Variants in FSTL5 observed in about 807,000 individuals in gnomAD.
The protein encoded by FSTL5 is follistatin like 5, also known as follistatin-related protein 5.
Under a neutral mutation model 89.1 loss-of-function variants are expected in FSTL5, and 62 were observed. That is an observed-to-expected ratio of 0.70 (90% CI 0.57 to 0.86). FSTL5 has a LOEUF of 0.86. FSTL5 is among the 40% of genes least tolerant of loss of function. The probability of loss-of-function intolerance (pLI) is 0.00; values close to 1 mark genes in which losing one functional copy is unlikely to be tolerated. For missense variants in FSTL5, 1,057 were observed against 1,001.6 expected (o/e 1.06, Z -0.75); for synonymous variants, 383 against 346.2 (o/e 1.11, Z -1.18).
intron 4 of FSTL5, among the ~76,000 whole-genome samples, chr4:161,919,864 C>A (rs187633906): frequency 1.6e-4 from 24 of 152,142 alleles, no homozygotes; most frequent in African/African-American, 5.3e-4. Context: ...AAGTGAATAC[C>A]AGTACTTTAA....
intron 13 of FSTL5, among the ~76,000 whole-genome samples, chr4:161,463,145 C>G (rs112717127): frequency 0.021 from 3,126 of 152,024 alleles, 124 homozygotes; most frequent in African/African-American, 0.071. Context: ...TTAGGATATA[C>G]CTATTTGGAG....
chr4:161,646,664 G>C (rs1487945141), intron 7 of FSTL5, among the ~76,000 whole-genome samples: 1 of 151,950 alleles, frequency 6.6e-6, no homozygotes, highest in Non-Finnish European at 1.5e-5. Flanking sequence ...ATTGAATTCT[G>C]GTTGAATTAA....
At chr4:162,157,640 A>G (rs1473877100) in intron 1 of FSTL5, among the ~76,000 whole-genome samples, 2 of 152,174 alleles carry the variant, frequency 1.3e-5, no homozygotes, top group African/African-American at 4.8e-5. Context: ...ATTATTGTTA[A>G]CCAATATGTA....
At chr4:161,407,370 A>C (rs1182380809) in intron 15 of FSTL5, among the ~76,000 whole-genome samples, 1 of 152,206 alleles carries the variant, frequency 6.6e-6, no homozygotes, top group Non-Finnish European at 1.5e-5. Context: ...AGATCTTTAA[A>C]GAGAGAAAAC....
chr4:161,874,308 T>C (rs1732370142), intron 4 of FSTL5, among the ~76,000 whole-genome samples: 1 of 152,042 alleles, frequency 6.6e-6, no homozygotes, highest in Admixed American at 6.6e-5. Flanking sequence ...AATCTACCTA[T>C]TAATAATAAT....
intron 3 of FSTL5, among the ~76,000 whole-genome samples, chr4:161,994,125 T>A (rs1736219766): frequency 6.6e-6 from 1 of 152,144 alleles, no homozygotes; most frequent in South Asian, 2.1e-4. Flanking sequence ...TAGCTACCAC[T>A]TATAAGTGAG....
chr4:161,860,504 G>A (rs1731876887), intron 4 of FSTL5, among the ~76,000 whole-genome samples: 1 of 152,130 alleles, frequency 6.6e-6, no homozygotes, highest in Non-Finnish European at 1.5e-5. Flanking sequence ...TTCCAGGGTC[G>A]AGAAAATTTC....
rs559425444 is a variant in FSTL5 at position 161,921,714 on chromosome 4, T to C, written c.161-1062A>G. ...AACAGCATCATAATAATTAAGAACATGGATTCTGATCCAGAGTTTAAATCC... is the reference window on the plus strand; with the variant it reads ...AACAGCATCATAATAATTAAGAACACGGATTCTGATCCAGAGTTTAAATCC... On this transcript the variant is annotated intron_variant, in intron 3 of 15. Transcript: ENST00000306100. Among the ~76,000 whole-genome samples the C allele has an allele frequency of 2.8e-4, 42 of 152,178 alleles. No homozygotes were observed. The South Asian group carries it at 8.1e-3, about 29-fold the overall frequency.
chr4:161,940,448 A>C (rs1274131444), intron 3 of FSTL5, among the ~76,000 whole-genome samples: 1 of 151,880 alleles, frequency 6.6e-6, no homozygotes, highest in Non-Finnish European at 1.5e-5. Context: ...TCTGAAGGAC[A>C]CAAAAACATC....
At position 161,948,509 on chromosome 4, in the gene FSTL5, C is replaced by T. The variant is rs359522; in HGVS notation, c.161-27857G>A. 2.0e-3 allele frequency among the ~76,000 whole-genome samples: 191 copies of T among 96,672 alleles called. 2 individuals carry two copies. The highest frequency in any genetic ancestry group is 0.022 in the Middle Eastern group (2 of 90). 63.4% of individuals were successfully genotyped at this position (96,672 alleles called of 152,430 possible). A position where few individuals can be genotyped will look rare whatever the true frequency, so the allele number is the denominator to read the frequency against. On this transcript the variant is annotated intron_variant, in intron 3 of 15. Coordinates refer to ENST00000306100, the MANE Select transcript of FSTL5 (RefSeq NM_020116.5). Reference sequence around the variant, plus strand: ...TCTTTTTTTTTTTTTTTTTTGGAGACAGAGTCTCACTTTGTCACCCAGGCT... The same window carrying T: ...TCTTTTTTTTTTTTTTTTTTGGAGATAGAGTCTCACTTTGTCACCCAGGCT...
At chr4:161,591,878 G>C (rs540788634) in intron 7 of FSTL5, among the ~76,000 whole-genome samples, 1 of 152,200 alleles carries the variant, frequency 6.6e-6, no homozygotes, top group Admixed American at 6.5e-5. Flanking sequence ...TGTCAAGGAA[G>C]CTACTAGTTC....
In FSTL5 at chr4:162,066,355, C is replaced by CTTCTTCTTCTTCTTCTTCTTGTTCTT. The variant is rs1553996329; in HGVS notation, c.127-32698_127-32697insAAGAACAAGAAGAAGAAGAAGAAGAA. 9.8e-5 allele frequency among the ~76,000 whole-genome samples: 6 copies of CTTCTTCTTCTTCTTCTTCTTGTTCTT among 61,180 alleles called. 1 individual carries two copies. The highest frequency in any genetic ancestry group is 3.7e-4 in the African/African-American group (6 of 16,372). 40.1% of individuals were successfully genotyped at this position (61,180 alleles called of 152,430 possible). A position where few individuals can be genotyped will look rare whatever the true frequency, so the allele number is the denominator to read the frequency against. On this transcript the variant is annotated intron_variant, in intron 2 of 15. Coordinates refer to ENST00000306100, the MANE Select transcript of FSTL5 (RefSeq NM_020116.5). ...TTCTTCTTCTTCTTCTTCTTCTTCT[C>CTTCTTCTTCTTCTTCTTCTTGTTCTT]CTTCTTCTTCTTCTTCTCCTTCTTC...
chr4:161,417,578 A>C (rs1006130835), intron 15 of FSTL5, among the ~76,000 whole-genome samples: 1 of 152,240 alleles, frequency 6.6e-6, no homozygotes, highest in African/African-American at 2.4e-5. Flanking sequence ...AGGAATTTAC[A>C]GTTGATTAAG....
chr4:161,921,453 G>C (rs1011296744), intron 3 of FSTL5, among the ~76,000 whole-genome samples: 2 of 152,052 alleles, frequency 1.3e-5, no homozygotes, highest in African/African-American at 4.8e-5. Context: ...ATTTAGCTTT[G>C]AGAATTTTAG....
intron 4 of FSTL5, among the ~76,000 whole-genome samples, chr4:161,851,883 T>A (rs1731564110): frequency 9.1e-6 from 1 of 109,778 alleles, no homozygotes; most frequent in African/African-American, 3.5e-5. Context: ...ACCCAATTGA[T>A]CTCATCCCTA....
At chr4:161,583,565 T>C (rs981304973) in intron 8 of FSTL5, among the ~76,000 whole-genome samples, 5 of 151,518 alleles carry the variant, frequency 3.3e-5, no homozygotes, top group Admixed American at 2.6e-4. Context: ...CCCTTGTTGA[T>C]ATAAATGCAG....
intron 4 of FSTL5, among the ~76,000 whole-genome samples, chr4:161,893,711 G>C (rs1449577913): frequency 6.6e-6 from 1 of 152,066 alleles, no homozygotes; most frequent in Non-Finnish European, 1.5e-5. Context: ...AGCTATATAA[G>C]GTCTATTAAA....
intron 4 of FSTL5, among the ~76,000 whole-genome samples, chr4:161,852,694 A>G (rs1731593043): frequency 6.6e-6 from 1 of 152,216 alleles, no homozygotes; most frequent in Non-Finnish European, 1.5e-5. Context: ...CACAATAGTA[A>G]AGACATGTAA....
chr4:162,029,166 A>AGAGAGTGT (rs1491510494), intron 3 of FSTL5, among the ~76,000 whole-genome samples: 1 of 120,592 alleles, frequency 8.3e-6, no homozygotes, highest in African/African-American at 2.7e-5. Context: ...AGAGAGAGAG[A>AGAGAGTGT]GTGTGTGTGT....
Sources: allele counts gnomAD v4.1 joint callset (sites outside exome capture counted in the v4.1 genomes callset), GRCh38; gene constraint gnomAD v4.1.1; transcripts MANE v1.5; gene names NCBI Gene and HGNC (gene_info 2026-07-23, HGNC 2026-07-21).